MACROD1: variants seen among roughly 807,000 people sequenced by gnomAD.
The protein encoded by MACROD1 is mono-ADP ribosylhydrolase 1.
Under a neutral mutation model 41.4 loss-of-function variants are expected in MACROD1, and 31 were observed. The observed-to-expected ratio is 0.75, with a 90% CI of 0.56 to 1.01. The LOEUF is 1.01. Among genes scored for constraint, MACROD1 ranks in the 50% least tolerant of loss-of-function variants. The pLI is 0.00. For synonymous variants in MACROD1, 252 were observed against 203.4 expected (o/e 1.24, Z -2.03); for missense variants, 473 against 460.0 (o/e 1.03, Z -0.26).
chr11:64,007,298 G>A (rs1942929541), intron 4 of MACROD1, among the ~76,000 whole-genome samples: 1 of 152,176 alleles, frequency 6.6e-6, no homozygotes, highest in East Asian at 1.9e-4. Context: ...TGGGCGTGGT[G>A]AAAAAGGAGA....
chr11:64,062,798 C>T (rs1284527190), intron 3 of MACROD1, among the ~76,000 whole-genome samples: 1 of 152,146 alleles, frequency 6.6e-6, no homozygotes, highest in East Asian at 1.9e-4. Context: ...CTGGCTTTAT[C>T]AGGTGCCTGC....
chr11:64,147,293 A>G (rs1945508128), intron 3 of MACROD1, among the ~76,000 whole-genome samples: 1 of 151,946 alleles, frequency 6.6e-6, no homozygotes, highest in Non-Finnish European at 1.5e-5. Flanking sequence ...GTTGGTCTCA[A>G]ACTCCTGGGC....
intron 3 of MACROD1, among the ~76,000 whole-genome samples, chr11:64,034,312 C>T (rs546959936): frequency 2.0e-5 from 3 of 152,348 alleles, no homozygotes; most frequent in Admixed American, 6.5e-5. Flanking sequence ...AGCAGAGGAA[C>T]GGAAGCTGTT....
intron 3 of MACROD1, among the ~76,000 whole-genome samples, chr11:64,019,415 C>A (rs1299505011): frequency 6.6e-6 from 1 of 152,242 alleles, no homozygotes; most frequent in Non-Finnish European, 1.5e-5. Context: ...CCTCCCGGCC[C>A]TCCTCTGCCC....
intron 3 of MACROD1, among the ~76,000 whole-genome samples, chr11:64,021,005 C>T (rs1013125124): frequency 3.9e-5 from 6 of 152,148 alleles, no homozygotes; most frequent in African/African-American, 7.2e-5. Context: ...GTGTGAGTCA[C>T]GGCGCCCGGC....
At chr11:64,074,451 C>G (rs886426990) in intron 3 of MACROD1, among the ~76,000 whole-genome samples, 3 of 152,192 alleles carry the variant, frequency 2.0e-5, no homozygotes, top group African/African-American at 7.2e-5. Flanking sequence ...ACCCTAGGAA[C>G]AGCCGTGGGA....
chr11:64,116,299 C>T, intron 3 of MACROD1: 1 of 1,605,212 alleles, frequency 6.2e-7, no homozygotes, highest in Non-Finnish European at 8.5e-7. Flanking sequence ...GCCACTGCCA[C>T]CACCACGCCC....
intron 3 of MACROD1, among the ~76,000 whole-genome samples, chr11:64,126,073 G>A (rs555599053): frequency 4.6e-4 from 70 of 152,204 alleles, no homozygotes; most frequent in African/African-American, 1.6e-3. Flanking sequence ...ACCTGTCCTC[G>A]GGCTAGTCCC....
At chr11:64,084,777 C>A (rs1168362843) in intron 3 of MACROD1, among the ~76,000 whole-genome samples, 1 of 152,194 alleles carries the variant, frequency 6.6e-6, no homozygotes, top group Non-Finnish European at 1.5e-5. Context: ...TCTCCCTCAC[C>A]CGCCAGCCCA....
At chr11:64,000,101 CT>C in intron 5 of MACROD1, 125 bp downstream of exon 5, 1 of 741,092 alleles carries the variant, frequency 1.3e-6, no homozygotes, top group Non-Finnish European at 2.2e-6. Context: ...GGTCTTGGCC[CT>C]TAAGGTTAAG....
intron 3 of MACROD1, among the ~76,000 whole-genome samples, chr11:64,055,992 C>G (rs922922075): frequency 3.3e-5 from 5 of 152,194 alleles, no homozygotes; most frequent in Admixed American, 6.5e-5. Flanking sequence ...GCTGTCGGTC[C>G]TCTGGGCCTC....
chr11:64,034,866 C>T (rs1565202607), intron 3 of MACROD1, among the ~76,000 whole-genome samples: 1 of 152,220 alleles, frequency 6.6e-6, no homozygotes, highest in African/African-American at 2.4e-5. Context: ...GAGGTCTGAC[C>T]AGGGCAGGCC....
In MACROD1 at chr11:64,025,721, C is replaced by CTT. The variant is rs35346247; in HGVS notation, c.518-10442_518-10441dup. The stretch of plus-strand genomic sequence containing the variant: ...CTGCTCTCATGGGCCCCCCCCGCTC[C>CTT]TTTTTTTTTTTTTTCAGACGGTCTC... On this transcript the variant is annotated intron_variant, in intron 3 of 10. Coordinates refer to ENST00000255681, the MANE Select transcript of MACROD1 (RefSeq NM_014067.4). 1.0e-3 allele frequency among the ~76,000 whole-genome samples: 146 copies of CTT among 143,046 alleles called. 4 individuals are homozygous for CTT. Among genetic ancestry groups the CTT allele is most frequent in the South Asian group, 1.3e-3 (6 of 4,518 alleles). The allele number at this position is 143,046 out of a possible 152,430, so 93.8% of individuals were successfully genotyped here.
chr11:64,077,426 T>C (rs1410141808), intron 3 of MACROD1, among the ~76,000 whole-genome samples: 2 of 152,112 alleles, frequency 1.3e-5, no homozygotes, highest in South Asian at 2.1e-4. Flanking sequence ...CGTCCTCGGA[T>C]TTTCCCCCCA....
At chr11:64,128,239 G>A (rs930144431) in intron 3 of MACROD1, among the ~76,000 whole-genome samples, 18 of 152,166 alleles carry the variant, frequency 1.2e-4, no homozygotes, top group Non-Finnish European at 2.1e-4. Context: ...TTCTCCCTGA[G>A]ACCCAGCGCA....
chr11:64,000,467 T>C (rs1942804045), intron 4 of MACROD1, 124 bp from the exon 5 acceptor site: 3 of 557,434 alleles, frequency 5.4e-6, no homozygotes, highest in South Asian at 2.9e-5. Context: ...CCCAACCCCG[T>C]GGCCTCCGGC....
chr11:64,108,491 A>G (rs1410861680), intron 3 of MACROD1, among the ~76,000 whole-genome samples: 2 of 151,980 alleles, frequency 1.3e-5, no homozygotes, highest in African/African-American at 4.8e-5. Context: ...TGCCCTGTCT[A>G]CCTCCTGGCC....
At chr11:64,135,661 G>A (rs1361373030) in intron 3 of MACROD1, among the ~76,000 whole-genome samples, 1 of 152,212 alleles carries the variant, frequency 6.6e-6, no homozygotes, top group Non-Finnish European at 1.5e-5. Context: ...CGGCTGCCAG[G>A]AGTCCTCGAG....
chr11:64,066,190 A>G (rs1384654546), intron 3 of MACROD1, among the ~76,000 whole-genome samples: 3 of 148,666 alleles, frequency 2.0e-5, no homozygotes, highest in African/African-American at 7.5e-5. Flanking sequence ...CCAGCTACTC[A>G]GGAGGCTGAG....
Sources: allele counts gnomAD v4.1 joint callset (sites outside exome capture counted in the v4.1 genomes callset), GRCh38; gene constraint gnomAD v4.1.1; transcripts MANE v1.5; gene names NCBI Gene and HGNC (gene_info 2026-07-23, HGNC 2026-07-21).